STK39: variants seen among roughly 807,000 people sequenced by gnomAD.
The protein encoded by STK39 is STE20/SPS1-related proline-alanine-rich protein kinase.
Under a neutral mutation model 77.8 loss-of-function variants are expected in STK39, and 20 were observed. That is an observed-to-expected ratio of 0.26 (90% CI 0.18 to 0.37). STK39 has a LOEUF of 0.37. Ranked by LOEUF, STK39 falls within the 10% of genes least tolerant of loss-of-function variation. The probability of loss-of-function intolerance (pLI) is 1.00; values close to 1 mark genes in which losing one functional copy is unlikely to be tolerated. For synonymous variants in STK39, 246 were observed against 234.1 expected (o/e 1.05, Z -0.47); for missense variants, 479 against 656.5 (o/e 0.73, Z 2.95).
chr2:168,093,846 G>A (rs1392464831), intron 10 of STK39, among the ~76,000 whole-genome samples: 2 of 152,144 alleles, frequency 1.3e-5, no homozygotes, highest in Non-Finnish European at 2.9e-5. Flanking sequence ...TGGGTGGTGG[G>A]GGGAAAGCCC....
chr2:168,173,276 G>A (rs998921232), intron 2 of STK39, among the ~76,000 whole-genome samples: 2 of 152,136 alleles, frequency 1.3e-5, no homozygotes, highest in Non-Finnish European at 1.5e-5. Flanking sequence ...TTCTTTAAAT[G>A]GTATAGGAGT....
chr2:168,008,069 C>G (rs903275732), intron 16 of STK39, among the ~76,000 whole-genome samples: 3 of 152,168 alleles, frequency 2.0e-5, no homozygotes, highest in African/African-American at 7.2e-5. Context: ...CAGCCCCTGG[C>G]AACCACTCTT....
intron 14 of STK39, among the ~76,000 whole-genome samples, chr2:168,028,300 A>G (rs1227377285): frequency 6.6e-6 from 1 of 152,198 alleles, no homozygotes; most frequent in Non-Finnish European, 1.5e-5. Context: ...TGAATACATA[A>G]AATTTTAAGA....
chr2:168,118,602 C>CAAAAAAAAA (rs35533319), intron 10 of STK39, among the ~76,000 whole-genome samples: 1 of 119,346 alleles, frequency 8.4e-6, no homozygotes, highest in Non-Finnish European at 1.7e-5. Context: ...CATATGCTTT[C>CAAAAAAAAA]AAAAAAAAAA....
chr2:168,176,741 G>C (rs1179375930), intron 2 of STK39, among the ~76,000 whole-genome samples: 1 of 152,070 alleles, frequency 6.6e-6, no homozygotes, highest in East Asian at 1.9e-4. Context: ...GAATGACAGA[G>C]AAACTCTTTC....
chr2:168,116,866 C>G (rs1473853384), intron 10 of STK39, among the ~76,000 whole-genome samples: 1 of 152,124 alleles, frequency 6.6e-6, no homozygotes, highest in Non-Finnish European at 1.5e-5. Flanking sequence ...ATTATTTCTC[C>G]TAAGTGAGGA....
intron 10 of STK39, among the ~76,000 whole-genome samples, chr2:168,075,456 A>G (rs1272231884): frequency 1.3e-5 from 2 of 152,140 alleles, no homozygotes; most frequent in African/African-American, 2.4e-5. Flanking sequence ...GCATTACTAT[A>G]TACATGAAGA....
intron 17 of STK39, among the ~76,000 whole-genome samples, chr2:167,960,782 C>G (rs564549912): frequency 1.3e-5 from 2 of 152,150 alleles, no homozygotes; most frequent in Non-Finnish European, 2.9e-5. Context: ...CCCACCCCCC[C>G]ACCATAGAGT....
intron 14 of STK39, 31 bp from the exon 15 acceptor site, chr2:168,017,126 T>C (rs746528388): frequency 6.7e-7 from 1 of 1,502,434 alleles, no homozygotes; most frequent in South Asian, 1.3e-5. Flanking sequence ...TACATTAAAG[T>C]CTAGGGAAGC....
At chr2:168,228,061 T>A (rs1314789046) in intron 1 of STK39, among the ~76,000 whole-genome samples, 2 of 152,160 alleles carry the variant, frequency 1.3e-5, no homozygotes, top group Non-Finnish European at 2.9e-5. Context: ...TCCTAAGAAA[T>A]CTAAGTCGTA....
At chr2:168,014,854 T>C (rs1036704938) in intron 15 of STK39, among the ~76,000 whole-genome samples, 4 of 152,146 alleles carry the variant, frequency 2.6e-5, no homozygotes, top group African/African-American at 9.7e-5. Flanking sequence ...AAAAATGAAA[T>C]AATCAAAGCT....
At chr2:168,095,630 T>TTTC (rs1197268395) in intron 10 of STK39, among the ~76,000 whole-genome samples, 3 of 147,470 alleles carry the variant, frequency 2.0e-5, no homozygotes, top group African/African-American at 7.5e-5. Context: ...TTTCTTTTTT[T>TTTC]TTTTTTTTTT....
intron 10 of STK39, among the ~76,000 whole-genome samples, chr2:168,114,713 T>C (rs1476354917): frequency 6.6e-6 from 1 of 152,216 alleles, no homozygotes; most frequent in Non-Finnish European, 1.5e-5. Context: ...TGCAGTGCTA[T>C]CCTTGAGTGT....
At chr2:168,155,764 A>G (rs535687680) in intron 5 of STK39, among the ~76,000 whole-genome samples, 1 of 152,340 alleles carries the variant, frequency 6.6e-6, no homozygotes, top group South Asian at 2.1e-4. Context: ...GCAGTAGTAT[A>G]CATACCTAAA....
At chr2:167,966,356 T>C (rs1692160984) in intron 16 of STK39, among the ~76,000 whole-genome samples, 1 of 152,246 alleles carries the variant, frequency 6.6e-6, no homozygotes, top group Non-Finnish European at 1.5e-5. Flanking sequence ...GCACTCTGAC[T>C]ACATGCAAAT....
At chr2:168,182,113 T>C in intron 1 of STK39, 23 bp from the exon 2 acceptor site, 1 of 1,598,848 alleles carries the variant, frequency 6.3e-7, no homozygotes, top group Non-Finnish European at 8.6e-7. Flanking sequence ...AAAAACAACA[T>C]CAGCGATCAA....
rs1056485008 is a variant in STK39 at position 168,045,647 on chromosome 2, G to A, written c.1376+17853C>T. On this transcript the variant is annotated intron_variant, in intron 14 of 17. Transcript: ENST00000355999. ...ATGACTGTGACAGTGGATATTAGGT[G>A]AATCTTTTCCTGTCACCCTAGCACT... 6.6e-5 allele frequency among the ~76,000 whole-genome samples: 10 copies of A among 152,182 alleles called. No homozygotes were observed. In the East Asian group the frequency reaches 1.9e-3, roughly 29 times the overall value.
In STK39 at chr2:168,041,573, A is replaced by G. The variant is rs769006528; in HGVS notation, c.1376+21927T>C. Among the ~76,000 whole-genome samples the G allele has an allele frequency of 4.7e-4, 71 of 152,258 alleles. 1 individual carries two copies. The highest frequency in any genetic ancestry group is 7.1e-4 in the Non-Finnish European group (48 of 68,010). ...TGACATCAGATTTTTGAATTTTCCAATGAGAATGGTAATGCTGCTAGTTAC... is the reference window on the plus strand; with the variant it reads ...TGACATCAGATTTTTGAATTTTCCAGTGAGAATGGTAATGCTGCTAGTTAC... On this transcript the variant is annotated intron_variant, in intron 14 of 17. Coordinates refer to ENST00000355999, the MANE Select transcript of STK39 (RefSeq NM_013233.3).
intron 10 of STK39, among the ~76,000 whole-genome samples, chr2:168,106,513 G>A (rs1010219003): frequency 6.6e-6 from 1 of 152,006 alleles, no homozygotes; most frequent in Non-Finnish European, 1.5e-5. Context: ...GTTACATGTG[G>A]GGTACAGCTT....
Sources: allele counts gnomAD v4.1 joint callset (sites outside exome capture counted in the v4.1 genomes callset), GRCh38; gene constraint gnomAD v4.1.1; transcripts MANE v1.5; gene names NCBI Gene and HGNC (gene_info 2026-07-23, HGNC 2026-07-21).